CMSS1: variants seen among roughly 807,000 people sequenced by gnomAD.
CMSS1 encodes the protein protein CMSS1.
A neutral mutation model predicts 43.5 loss-of-function variants in CMSS1; 33 were observed. That is an observed-to-expected ratio of 0.76 (90% CI 0.57 to 1.01). CMSS1 has a LOEUF of 1.01. Ranked by LOEUF, CMSS1 falls within the 50% of genes least tolerant of loss-of-function variation. The pLI, the probability that CMSS1 is intolerant of heterozygous loss-of-function variation, is 0.00. For missense variants in CMSS1, 313 were observed against 326.4 expected, an observed-to-expected ratio of 0.96 and a Z score of 0.32; for synonymous variants, 115 against 117.2, an observed-to-expected ratio of 0.98 and a Z score of 0.12.
intron 1 of CMSS1, among the ~76,000 whole-genome samples, chr3:100,013,613 A>G (rs1710231157): frequency 6.6e-6 from 1 of 152,192 alleles, no homozygotes; most frequent in African/African-American, 2.4e-5. Context: ...CAGAAAATGA[A>G]TGACCATATT....
intron 1 of CMSS1, among the ~76,000 whole-genome samples, chr3:100,011,153 T>C (rs1710144879): frequency 6.6e-6 from 1 of 152,114 alleles, no homozygotes; most frequent in Non-Finnish European, 1.5e-5. Flanking sequence ...GCAAATTACT[T>C]TTCCCTAATG....
intron 1 of CMSS1, among the ~76,000 whole-genome samples, chr3:99,987,929 T>C (rs1279700051): frequency 6.6e-6 from 1 of 152,260 alleles, no homozygotes; most frequent in East Asian, 1.9e-4. Context: ...TGTTGGATTC[T>C]TGAAAGATGT....
chr3:99,885,467 G>T (rs927449285), intron 1 of CMSS1, among the ~76,000 whole-genome samples: 1 of 152,000 alleles, frequency 6.6e-6, no homozygotes, highest in African/African-American at 2.4e-5. Flanking sequence ...TTTTATTGTC[G>T]TGCCCTTTTT....
At chr3:99,989,211 A>G (rs1709441651) in intron 1 of CMSS1, among the ~76,000 whole-genome samples, 1 of 152,086 alleles carries the variant, frequency 6.6e-6, no homozygotes, top group Non-Finnish European at 1.5e-5. Context: ...GAGGCTTATG[A>G]CTCCAAAGCT....
chr3:100,086,538 C>G (rs540204439), intron 1 of CMSS1, among the ~76,000 whole-genome samples: 1 of 152,194 alleles, frequency 6.6e-6, no homozygotes, highest in South Asian at 2.1e-4. Context: ...CCTGTTTACC[C>G]AAATCAAATA....
chr3:100,037,566 C>A (rs1001781877), intron 1 of CMSS1, among the ~76,000 whole-genome samples: 8 of 152,096 alleles, frequency 5.3e-5, no homozygotes, highest in Non-Finnish European at 1.0e-4. Flanking sequence ...TTTTTGTCTC[C>A]CAACAAAGTT....
Position 99,938,327 on chromosome 3 carries a change from A to T in CMSS1, c.64+120284A>T, listed in dbSNP as rs546797091. Among the ~76,000 whole-genome samples, 4 of 152,358 alleles carry T rather than the reference A, an allele frequency of 2.6e-5. No homozygotes were observed. In the East Asian group the frequency reaches 7.7e-4, roughly 29 times the overall value. ...ACCATCATTAGTTCTGTTTTTAAGCATGTAACATTTTATTAAGGCAGTCAT... is the reference window on the plus strand; with the variant it reads ...ACCATCATTAGTTCTGTTTTTAAGCTTGTAACATTTTATTAAGGCAGTCAT... On this transcript the variant is annotated intron_variant, in intron 1 of 9. Transcript: ENST00000421999.
intron 2 of CMSS1, among the ~76,000 whole-genome samples, chr3:100,148,853 T>C (rs563129164): frequency 3.9e-5 from 6 of 152,174 alleles, no homozygotes; most frequent in Admixed American, 2.0e-4. Context: ...TGGTTTTTTT[T>C]CTCCAACCAT....
chr3:100,091,780 A>G (rs562210094), intron 1 of CMSS1, among the ~76,000 whole-genome samples: 1 of 152,300 alleles, frequency 6.6e-6, no homozygotes, highest in African/African-American at 2.4e-5. Flanking sequence ...CATATTTCCA[A>G]TATTTTCCTT....
chr3:100,059,565 T>A (rs552479658), intron 1 of CMSS1, among the ~76,000 whole-genome samples: 2 of 152,004 alleles, frequency 1.3e-5, no homozygotes, highest in East Asian at 3.9e-4. Flanking sequence ...GAGGGTGTAG[T>A]TCAGAGGTTG....
At chr3:99,988,026 G>A (rs4928235) in intron 1 of CMSS1, among the ~76,000 whole-genome samples, 84,681 of 151,852 alleles carry the variant, frequency 0.56, 24,090 homozygotes, top group East Asian at 0.72. Flanking sequence ...AAAGAAGCTG[G>A]TACACCAAAA....
At chr3:100,052,170 T>C (rs144611066) in intron 1 of CMSS1, among the ~76,000 whole-genome samples, 4 of 152,300 alleles carry the variant, frequency 2.6e-5, no homozygotes, top group East Asian at 1.9e-4. Context: ...TGCACACTTA[T>C]AATAGGCAAA....
intron 1 of CMSS1, among the ~76,000 whole-genome samples, chr3:99,864,173 T>C (rs891115216): frequency 1.3e-5 from 2 of 152,226 alleles, no homozygotes; most frequent in Admixed American, 6.5e-5. Context: ...GCTTGAGTGT[T>C]GTATATCTAT....
chr3:100,163,379 T>C (rs942906662), intron 4 of CMSS1, among the ~76,000 whole-genome samples: 1 of 152,162 alleles, frequency 6.6e-6, no homozygotes, highest in Non-Finnish European at 1.5e-5. Flanking sequence ...TCAAGCAAAC[T>C]GTCAAAAGGT....
intron 1 of CMSS1, among the ~76,000 whole-genome samples, chr3:99,973,483 CCT>C (rs1352703003): frequency 6.6e-6 from 1 of 151,994 alleles, no homozygotes; most frequent in Non-Finnish European, 1.5e-5. Context: ...TATGAAAATT[CCT>C]CTGTCTTTTT....
chr3:100,046,963 G>A (rs544408475), intron 1 of CMSS1, among the ~76,000 whole-genome samples: 15 of 152,292 alleles, frequency 9.8e-5, no homozygotes, highest in African/African-American at 3.6e-4. Flanking sequence ...CTAAATCATG[G>A]AGAAAGAGGC....
intron 1 of CMSS1, among the ~76,000 whole-genome samples, chr3:99,832,568 C>T (rs1444878549): frequency 1.5e-5 from 2 of 134,184 alleles, no homozygotes; most frequent in Non-Finnish European, 1.6e-5. Flanking sequence ...AAAGGCCTAG[C>T]GCAGTGGCTC....
intron 1 of CMSS1, among the ~76,000 whole-genome samples, chr3:100,144,552 C>G (rs1195338111): frequency 1.3e-5 from 2 of 152,062 alleles, no homozygotes; most frequent in Non-Finnish European, 2.9e-5. Flanking sequence ...GGAGATGGAG[C>G]CTTCAGGGGT....
At chr3:100,124,752 AAC>A (rs1366366311) in intron 1 of CMSS1, among the ~76,000 whole-genome samples, 5 of 152,180 alleles carry the variant, frequency 3.3e-5, no homozygotes, top group South Asian at 2.1e-4. Flanking sequence ...CGAGGTAGTA[AAC>A]ACAAGGCTCT....
Sources: allele counts gnomAD v4.1 joint callset (sites outside exome capture counted in the v4.1 genomes callset), GRCh38; gene constraint gnomAD v4.1.1; transcripts MANE v1.5; gene names NCBI Gene and HGNC (gene_info 2026-07-23, HGNC 2026-07-21).